BRDT: variants seen among roughly 807,000 people sequenced by gnomAD.
The protein encoded by BRDT is bromodomain testis associated.
A neutral mutation model predicts 113.9 loss-of-function variants in BRDT; 77 were observed. The ratio of observed to expected loss-of-function variants is 0.68; its 90% CI spans 0.56 to 0.82. The LOEUF is 0.82. BRDT is among the 40% of genes least tolerant of loss of function. The pLI is 0.00. For missense variants in BRDT, 1,027 were observed against 1,105.4 expected, an observed-to-expected ratio of 0.93 and a Z score of 1.01; for synonymous variants, 358 against 366.5, an observed-to-expected ratio of 0.98 and a Z score of 0.26.
Position 91,977,117 on chromosome 1 carries a change from TTCTC to T in BRDT, c.694_697del (p.Ser232GlnfsTer13). ...CAGCAGTTAAAGCAAGTAGTGAATT[TTCTC>T]CAACATTCACAGAAAAATCAGTGGC... On this transcript the variant is annotated frameshift_variant, in exon 6 of 19. Coordinates refer to ENST00000399546, the MANE Select transcript of BRDT (RefSeq NM_207189.4). LOFTEE classifies it high-confidence loss of function. 6.2e-7 allele frequency: 1 copy of T among 1,613,712 alleles called. No individual in the cohort carries two copies. The highest frequency in any genetic ancestry group is 8.5e-7 in the Non-Finnish European group (1 of 1,179,906).
chr1:92,003,652 T>C (rs1276104225), intron 16 of BRDT, among the ~76,000 whole-genome samples: 2 of 152,214 alleles, frequency 1.3e-5, no homozygotes, highest in African/African-American at 4.8e-5. Flanking sequence ...GTGAATTTTA[T>C]GAAATCTAAT....
At chr1:91,960,628 A>G (rs991651896) in intron 1 of BRDT, among the ~76,000 whole-genome samples, 1 of 152,210 alleles carries the variant, frequency 6.6e-6, no homozygotes, top group Admixed American at 6.5e-5. Flanking sequence ...CACAAAAAAC[A>G]TGAATATACT....
chr1:91,993,344 C>T (rs1685975349), intron 14 of BRDT, among the ~76,000 whole-genome samples: 1 of 152,182 alleles, frequency 6.6e-6, no homozygotes, highest in African/African-American at 2.4e-5. Flanking sequence ...TTAGATAAGG[C>T]TACTGGGCTT....
chr1:91,983,074 C>T (rs1178206833), intron 12 of BRDT, among the ~76,000 whole-genome samples: 2 of 151,860 alleles, frequency 1.3e-5, no homozygotes, highest in African/African-American at 4.8e-5. Flanking sequence ...AGGAAAAGTA[C>T]AATATAATAC....
chr1:91,959,419 C>CTTTTTTTTTT (rs11346071), intron 1 of BRDT, among the ~76,000 whole-genome samples: 9 of 112,796 alleles, frequency 8.0e-5, no homozygotes, highest in South Asian at 2.8e-4. Context: ...CTTTTTCTTT[C>CTTTTTTTTTT]TTTTTTTTTT....
intron 12 of BRDT, among the ~76,000 whole-genome samples, chr1:91,988,676 C>T (rs1240410156): frequency 6.6e-6 from 1 of 152,134 alleles, no homozygotes; most frequent in Non-Finnish European, 1.5e-5. Context: ...GCTGGGATTA[C>T]AGGTGTGAGC....
chr1:91,978,200 A>G lies in BRDT; in HGVS notation c.1002A>G (p.Ala334=). 7 of 1,613,790 alleles carry G rather than the reference A, an allele frequency of 4.3e-6. No individual in the cohort carries two copies. Among genetic ancestry groups the G allele is most frequent in the Non-Finnish European group, 4.2e-6 (5 of 1,179,716 alleles). Residue 334 remains alanine, a synonymous_variant, in exon 7 of 19, where the codon GCA becomes GCG. Coordinates refer to ENST00000399546, the MANE Select transcript of BRDT (RefSeq NM_207189.4). ...TGGATAACCAAGAATATAAGGATGC[A>G]TACAAATTTGCGGCAGATGTTAGAT... ...EKMDNQEYKD[A]YKFAADVRLM... is the part of the protein sequence containing the mutation.
intron 7 of BRDT, among the ~76,000 whole-genome samples, chr1:91,978,852 A>C (rs1230533002): frequency 6.6e-6 from 1 of 151,896 alleles, no homozygotes; most frequent in Admixed American, 6.6e-5. Context: ...ATACAAAAAA[A>C]TTAGCCAGGC....
In BRDT at chr1:91,976,448, T is replaced by C; in HGVS notation, c.618+10T>C. 3.9e-6 allele frequency: 6 copies of C among 1,528,708 alleles called. No individual in the cohort carries two copies. The highest frequency in any genetic ancestry group is 5.3e-6 in the Non-Finnish European group (6 of 1,142,660). 94.7% of individuals were successfully genotyped at this position (1,528,708 alleles called of 1,614,324 possible). A position where few individuals can be genotyped will look rare whatever the true frequency, so the allele number is the denominator to read the frequency against. ...ACAAACTGCGGCCCAAGTAAGTTTG[T>C]TGTAGTTTTTAAATCATTGCTTTTT... On this transcript the variant is annotated intron_variant, in intron 5 of 18. Transcript: ENST00000399546.
At chr1:91,954,962 A>C in intron 1 of BRDT, among the ~76,000 whole-genome samples, 1 of 152,166 alleles carries the variant, frequency 6.6e-6, no homozygotes, top group Non-Finnish European at 1.5e-5. Context: ...CCCTGTCTGA[A>C]CAAAACAAAA....
intron 15 of BRDT, among the ~76,000 whole-genome samples, chr1:91,994,799 C>T (rs1180648489): frequency 3.2e-5 from 4 of 124,436 alleles, no homozygotes; most frequent in Middle Eastern, 5.1e-3. Context: ...ACCCAGGAGG[C>T]GGAGCTTGCA....
chr1:91,981,789 G>A lies in BRDT; in HGVS notation c.2002+34G>A, dbSNP rs1393749155. The A allele has an allele frequency of 3.9e-6, 6 of 1,546,374 alleles. No homozygotes were observed. The African/African-American group carries it at 4.2e-5, about 11-fold the overall frequency. The stretch of plus-strand genomic sequence containing the variant: ...TCCCCTTAAATGTACCTCTGTTGAT[G>A]GGAGCACTTTTTTTCCTGTAATATT... On this transcript the variant is annotated intron_variant, in intron 12 of 18. Coordinates refer to ENST00000399546, the MANE Select transcript of BRDT (RefSeq NM_207189.4).
At chr1:91,951,038 A>T (rs1348850750) in intron 1 of BRDT, among the ~76,000 whole-genome samples, 1 of 124,940 alleles carries the variant, frequency 8.0e-6, no homozygotes, top group Non-Finnish European at 1.8e-5. Context: ...AAAAAAAAAA[A>T]GAGATGGTCC....
Position 92,004,579 on chromosome 1 carries a change from C to G in BRDT, c.2554C>G (p.Gln852Glu), listed in dbSNP as rs930127030. The change falls in exon 17 of 19, where the codon CAA (glutamine) becomes GAA (glutamate). Residue 852 changes from glutamine to glutamate, a missense_variant. Transcript: ENST00000399546. ...TQELIRKHLE[Q>E]NTKELKASQE... ...GGAACTCATACGGAAGCATTTGGAA[C>G]AAAATACAAAGGAACTAAAAGCATC... is the stretch of plus-strand genomic sequence containing the variant. 6.2e-7 allele frequency: 1 copy of G among 1,610,330 alleles called. No homozygotes were observed. The highest frequency in any genetic ancestry group is 8.5e-7 in the Non-Finnish European group (1 of 1,178,894).
intron 18 of BRDT, among the ~76,000 whole-genome samples, chr1:92,006,969 A>G (rs963172569): frequency 1.3e-4 from 19 of 151,768 alleles, no homozygotes; most frequent in Non-Finnish European, 2.5e-4. Flanking sequence ...TTGTATTTTT[A>G]GTAGAGACAG....
chr1:92,005,570 G>A (rs914537805), intron 18 of BRDT, among the ~76,000 whole-genome samples: 3 of 152,154 alleles, frequency 2.0e-5, no homozygotes, highest in African/African-American at 7.2e-5. Context: ...TTTGAGGCCA[G>A]GAGTTAGAGG....
rs770805956 is a variant in BRDT at position 91,977,105 on chromosome 1, A to G, written c.681A>G (p.Ala227=). 3 of 1,613,626 alleles carry G rather than the reference A, an allele frequency of 1.9e-6. No homozygotes were observed. Among genetic ancestry groups the G allele is most frequent in the Admixed American group, 3.3e-5 (2 of 59,956 alleles). Residue 227 remains alanine, a synonymous_variant, in exon 6 of 19, where the codon GCA becomes GCG. Coordinates refer to ENST00000399546, the MANE Select transcript of BRDT (RefSeq NM_207189.4). The part of the protein sequence containing the change: ...TTTPATSAVK[A]SSEFSPTFTE... ...CTCCTGCAACTTCAGCAGTTAAAGC[A>G]AGTAGTGAATTTTCTCCAACATTCA...
intron 1 of BRDT, among the ~76,000 whole-genome samples, chr1:91,952,777 CA>C (rs66618367): frequency 0.13 from 9,444 of 74,648 alleles, 409 homozygotes; most frequent in East Asian, 0.44. Context: ...GACCCATCTC[CA>C]AAAAAAAAAA....
At chr1:91,978,882 C>CA (rs1219429540) in intron 7 of BRDT, among the ~76,000 whole-genome samples, 1 of 151,116 alleles carries the variant, frequency 6.6e-6, no homozygotes, top group African/African-American at 2.4e-5. Flanking sequence ...CCTGTAGTCC[C>CA]AGCTGCTGGG....
Sources: gnomAD v4.1 joint callset for allele counts (sites outside exome capture counted in the v4.1 genomes callset) on GRCh38, gnomAD v4.1.1 for gene constraint, MANE v1.5 for transcripts, NCBI Gene and HGNC (gene_info 2026-07-23, HGNC 2026-07-21) for gene names.